The following JAKMIP3 variants were observed in gnomAD, a reference collection of about 807,000 sequenced individuals.
JAKMIP3 encodes the protein janus kinase and microtubule-interacting protein 3.
A neutral mutation model predicts 118.5 loss-of-function variants in JAKMIP3; 58 were observed. The observed-to-expected ratio is 0.49, with a 90% CI of 0.40 to 0.61. JAKMIP3 has a LOEUF of 0.61. JAKMIP3 is among the 20% of genes least tolerant of loss of function. JAKMIP3 has a pLI of 0.00. For synonymous variants in JAKMIP3, 486 were observed against 451.2 expected, an observed-to-expected ratio of 1.08 and a Z score of -0.98; for missense variants, 950 against 1,109.0, an observed-to-expected ratio of 0.86 and a Z score of 2.04.
intron 1 of JAKMIP3, among the ~76,000 whole-genome samples, chr10:132,056,527 G>T (rs1158213582): frequency 6.6e-6 from 1 of 152,198 alleles, no homozygotes; most frequent in Non-Finnish European, 1.5e-5. Flanking sequence ...TGCCCTTAGA[G>T]TTCCTGCACC....
At chr10:132,159,631 T>TTGTGATGCTGGGGGTCCTCTTCCTA (rs2057692416) in intron 19 of JAKMIP3, among the ~76,000 whole-genome samples, 2 of 63,808 alleles carry the variant, frequency 3.1e-5, no homozygotes, top group African/African-American at 1.3e-4. Flanking sequence ...TCCTCTTCCT[T>TTGTGATGCTGGGGGTCCTCTTCCTA]TGTGATGCTG....
At chr10:132,115,874 G>A (rs186193950) in intron 2 of JAKMIP3, among the ~76,000 whole-genome samples, 17 of 152,380 alleles carry the variant, frequency 1.1e-4, no homozygotes, top group Admixed American at 7.8e-4. Context: ...CACTGGAGCC[G>A]TGAATATTTG....
intron 11 of JAKMIP3, among the ~76,000 whole-genome samples, chr10:132,143,145 G>GGA (rs773102074): frequency 6.6e-5 from 10 of 150,488 alleles, no homozygotes; most frequent in African/African-American, 2.5e-4. Flanking sequence ...CCTGAGTCGG[G>GGA]GTGGGGGGGG....
At chr10:132,038,784 C>T (rs1310021027) in intron 1 of JAKMIP3, among the ~76,000 whole-genome samples, 1 of 104,378 alleles carries the variant, frequency 9.6e-6, no homozygotes, top group Non-Finnish European at 1.9e-5. Context: ...CAGAATGAGA[C>T]TGTCTCAAAA....
At chr10:132,088,341 C>G (rs957204263) in intron 1 of JAKMIP3, among the ~76,000 whole-genome samples, 3 of 152,192 alleles carry the variant, frequency 2.0e-5, no homozygotes, top group African/African-American at 4.8e-5. Context: ...AAAACTGTTC[C>G]TATTTCTCCA....
At chr10:132,064,486 G>C (rs778128865), upstream of JAKMIP3, among the ~76,000 whole-genome samples, 5 of 151,454 alleles carry the variant, frequency 3.3e-5, no homozygotes, top group Non-Finnish European at 5.9e-5. This position sits in a 1 kb window ranked among gnomAD's most constrained non-coding sequence, Gnocchi z 4.4. Context: ...AACACGGGAG[G>C]GGTCTGGATC....
intron 1 of JAKMIP3, among the ~76,000 whole-genome samples, chr10:132,080,737 C>G (rs1427228230): frequency 6.6e-6 from 1 of 151,756 alleles, no homozygotes; most frequent in Non-Finnish European, 1.5e-5. Context: ...CCGGGCTGGT[C>G]TCGAACTCCC....
At chr10:132,152,665 C>T (rs2056417423) in intron 16 of JAKMIP3, among the ~76,000 whole-genome samples, 1 of 152,196 alleles carries the variant, frequency 6.6e-6, no homozygotes, top group South Asian at 2.1e-4. Context: ...GGTGGCCTGC[C>T]TGCATTGAGC....
intron 1 of JAKMIP3, among the ~76,000 whole-genome samples, chr10:132,097,974 T>TTCCCCTTTCCC (rs2044236230): frequency 3.3e-5 from 1 of 30,004 alleles, no homozygotes; most frequent in African/African-American, 1.1e-4. Context: ...TCCTTCCTTT[T>TTCCCCTTTCCC]CTCCCCTTCC....
intron 23 of JAKMIP3, among the ~76,000 whole-genome samples, chr10:132,177,044 G>T (rs192427324): frequency 1.4e-4 from 21 of 152,274 alleles, no homozygotes; most frequent in Non-Finnish European, 1.5e-5. Flanking sequence ...CAAAATCTCA[G>T]AAACTGAACG....
chr10:132,163,204 C>T lies in JAKMIP3; in HGVS notation c.2221-5C>T, dbSNP rs1275206492. The T allele has an allele frequency of 6.4e-6, 10 of 1,554,094 alleles. No individual in the cohort carries two copies. Among genetic ancestry groups the T allele is most frequent in the Non-Finnish European group, 8.7e-6 (10 of 1,149,134 alleles). ...AGGACTAAGGCGTCTCCCCTTCCGCCCCAGCACATCCTGGAGCTGGAAGCC... is the reference window on the plus strand; with the variant it reads ...AGGACTAAGGCGTCTCCCCTTCCGCTCCAGCACATCCTGGAGCTGGAAGCC... On this transcript the variant is annotated splice_region_variant and splice_polypyrimidine_tract_variant and intron_variant, in intron 19 of 23. Coordinates refer to ENST00000684848, the MANE Select transcript of JAKMIP3 (RefSeq NM_001323087.2).
chr10:132,072,134 T>C (rs1270195633), intron 1 of JAKMIP3, among the ~76,000 whole-genome samples: 1 of 151,986 alleles, frequency 6.6e-6, no homozygotes, highest in African/African-American at 2.4e-5. Context: ...ATACTTTTAG[T>C]TGAAACAGGG....
intron 3 of JAKMIP3, among the ~76,000 whole-genome samples, chr10:132,131,522 G>C (rs906931311): frequency 8.6e-5 from 13 of 151,902 alleles, no homozygotes; most frequent in African/African-American, 3.1e-4. Flanking sequence ...CAAGTGTTGT[G>C]GATCCTGTTC....
intron 10 of JAKMIP3, 68 bp from the exon 11 acceptor site, chr10:132,141,852 G>A (rs1194557877): frequency 2.2e-5 from 33 of 1,533,666 alleles, no homozygotes; most frequent in South Asian, 4.9e-5. Context: ...CCGGGGCCCC[G>A]CCATCGGAGG....
At chr10:132,071,853 C>CCTTTCTTTCCTTTCTTTCCTTT (rs1564866169) in intron 1 of JAKMIP3, among the ~76,000 whole-genome samples, 61 of 115,014 alleles carry the variant, frequency 5.3e-4, no homozygotes, top group African/African-American at 1.8e-3. Flanking sequence ...TTCTTTCTTT[C>CCTTTCTTTCCTTTCTTTCCTTT]CTTTCTTTCC....
chr10:132,148,454 TGCCCGTCCTCCATCC>T (rs1045702451), intron 14 of JAKMIP3, among the ~76,000 whole-genome samples: 22 of 148,354 alleles, frequency 1.5e-4, no homozygotes, highest in Admixed American at 3.3e-4. Flanking sequence ...GTCCTCCATC[TGCCCGTCCTCCATCC>T]GCCCGTCCTC....
upstream of JAKMIP3, among the ~76,000 whole-genome samples, chr10:132,061,877 T>C (rs914350883): frequency 3.3e-4 from 50 of 152,122 alleles, no homozygotes; most frequent in African/African-American, 1.1e-3. Context: ...TTCTGGAGAA[T>C]GGAAGGCAAC....
intron 1 of JAKMIP3, among the ~76,000 whole-genome samples, chr10:132,073,246 C>T (rs970663025): frequency 5.9e-5 from 9 of 152,158 alleles, no homozygotes; most frequent in East Asian, 1.9e-4. Context: ...ACTGCAGTGG[C>T]GCTATCTCGG....
chr10:132,045,336 T>C (rs1299611593), intron 1 of JAKMIP3, among the ~76,000 whole-genome samples: 1 of 152,176 alleles, frequency 6.6e-6, no homozygotes, highest in Non-Finnish European at 1.5e-5. Flanking sequence ...CTTCCTGATG[T>C]GATTTTGGGC....
Sources: gnomAD v4.1 joint callset for allele counts (sites outside exome capture counted in the v4.1 genomes callset) on GRCh38, gnomAD v4.1.1 for gene constraint, Gnocchi (gnomAD v3.1) non-coding constraint, MANE v1.5 for transcripts, NCBI Gene and HGNC (gene_info 2026-07-23, HGNC 2026-07-21) for gene names.